Variants in RPS6KA5 observed in about 807,000 individuals in gnomAD.
RPS6KA5 encodes the protein ribosomal protein S6 kinase alpha-5.
In RPS6KA5, 27 loss-of-function variants were observed where a neutral mutation model predicts 85.5. That is an observed-to-expected ratio of 0.32 (90% CI 0.23 to 0.44). The LOEUF (loss-of-function observed/expected upper bound fraction) is 0.44, where lower values mean the gene tolerates loss of function less well. RPS6KA5 is among the 20% of genes least tolerant of loss of function. The pLI is 1.00. For synonymous variants in RPS6KA5, 334 were observed against 348.2 expected (o/e 0.96, Z 0.46); for missense variants, 811 against 980.9 (o/e 0.83, Z 2.31).
At chr14:90,887,222 C>T (rs1286255) in intron 14 of RPS6KA5, among the ~76,000 whole-genome samples, 5,827 of 152,256 alleles carry the variant, frequency 0.038, 378 homozygotes, top group African/African-American at 0.13. Context: ...TGCTCTGTCA[C>T]CCACTGTGGA....
chr14:90,886,343 T>TAA (rs2034225941), intron 14 of RPS6KA5, among the ~76,000 whole-genome samples: 1 of 152,144 alleles, frequency 6.6e-6, no homozygotes, highest in Non-Finnish European at 1.5e-5. Flanking sequence ...TTCACAGGTA[T>TAA]GTTATATATC....
At chr14:91,029,734 C>G (rs73328524) in intron 1 of RPS6KA5, among the ~76,000 whole-genome samples, 23,575 of 152,036 alleles carry the variant, frequency 0.16, 1,957 homozygotes, top group East Asian at 0.31. Flanking sequence ...CTGACACAAA[C>G]CAGACATTGT....
chr14:90,894,397 T>C lies in RPS6KA5; in HGVS notation c.1644+16A>G. 6.2e-7 allele frequency: 1 copy of C among 1,611,124 alleles called. No homozygotes were observed. The highest frequency in any genetic ancestry group is 1.1e-5 in the South Asian group (1 of 90,736). On this transcript the variant is annotated intron_variant, in intron 13 of 16. Coordinates refer to ENST00000614987, the MANE Select transcript of RPS6KA5 (RefSeq NM_004755.4). The stretch of plus-strand genomic sequence containing the variant: ...GTGCTAGACTGAATTACGTAAGAGA[T>C]CCAGTGATTTTATACCTCAGGTTTC...
intron 1 of RPS6KA5, among the ~76,000 whole-genome samples, chr14:91,044,981 G>C (rs909988944): frequency 6.6e-6 from 1 of 152,026 alleles, no homozygotes; most frequent in African/African-American, 2.4e-5. Flanking sequence ...TACAGGAACT[G>C]AATTCTACCA....
chr14:90,994,198 T>C (rs1325365908), intron 2 of RPS6KA5, among the ~76,000 whole-genome samples: 1 of 152,132 alleles, frequency 6.6e-6, no homozygotes, highest in Admixed American at 6.6e-5. Context: ...TTAATAGTCC[T>C]CTCATATGCT....
chr14:90,916,481 G>T (rs1199706003), intron 7 of RPS6KA5, among the ~76,000 whole-genome samples: 2 of 152,118 alleles, frequency 1.3e-5, no homozygotes, highest in African/African-American at 4.8e-5. Flanking sequence ...GTTCAGGGAA[G>T]ATCATAATAA....
Position 90,868,389 on chromosome 14 carries a change from A to G in RPS6KA5, c.*3685T>C, listed in dbSNP as rs938723584. 6.6e-6 allele frequency: 1 copy of G among 152,214 alleles called. No homozygotes were observed. Among genetic ancestry groups the G allele is most frequent in the South Asian group, 2.1e-4 (1 of 4,824 alleles). The allele number at this position is 152,214 out of a possible 1,614,324, so 9.4% of individuals were successfully genotyped here. A position where few individuals can be genotyped will look rare whatever the true frequency, so the allele number is the denominator to read the frequency against. ...TCAATTAAAGACTGGAAATTGGGGT[A>G]TTATCATGTAAGACATTTGAGAGGC... On this transcript the variant is annotated 3_prime_UTR_variant, in exon 17 of 17. Coordinates refer to ENST00000614987, the MANE Select transcript of RPS6KA5 (RefSeq NM_004755.4).
chr14:91,019,145 G>A (rs1405775236), intron 1 of RPS6KA5, among the ~76,000 whole-genome samples: 1 of 152,070 alleles, frequency 6.6e-6, no homozygotes, highest in East Asian at 1.9e-4. Flanking sequence ...AGATGTGTAA[G>A]GGTACCGAGC....
chr14:90,857,251 C>T lies in RPS6KA5; in HGVS notation c.*14823G>A, dbSNP rs894424338. 2.6e-5 allele frequency: 4 copies of T among 152,176 alleles called. No individual in the cohort carries two copies. In the East Asian group the frequency reaches 5.8e-4, roughly 22 times the overall value. 9.4% of individuals were successfully genotyped at this position (152,176 alleles called of 1,614,324 possible). On this transcript the variant is annotated 3_prime_UTR_variant, in exon 17 of 17. Coordinates refer to ENST00000614987, the MANE Select transcript of RPS6KA5 (RefSeq NM_004755.4). ...CCTTGATCTGACTATAATATTTTAACAGTGACATGTGCCCAGATTATATTT... is the reference window on the plus strand; with the variant it reads ...CCTTGATCTGACTATAATATTTTAATAGTGACATGTGCCCAGATTATATTT...
chr14:90,887,334 C>T (rs899095701), intron 14 of RPS6KA5, among the ~76,000 whole-genome samples: 22 of 151,938 alleles, frequency 1.4e-4, no homozygotes, highest in African/African-American at 4.8e-4. Context: ...GCATGAGCCA[C>T]CATGCCCAGC....
chr14:91,013,725 G>A lies in RPS6KA5; in HGVS notation c.104-12566C>T, dbSNP rs2041360507. Among the ~76,000 whole-genome samples the A allele has an allele frequency of 2.0e-5, 3 of 152,190 alleles. No homozygotes were observed. In the South Asian group the frequency reaches 6.2e-4, roughly 32 times the overall value. ...AAAGATTTTAAGGAGAAGATTATCA[G>A]TTCTGCATCTTAGAAAGACCAGCAG... On this transcript the variant is annotated intron_variant, in intron 1 of 16. Transcript: ENST00000614987.
At chr14:90,951,703 G>A (rs965693317) in intron 3 of RPS6KA5, among the ~76,000 whole-genome samples, 10 of 151,914 alleles carry the variant, frequency 6.6e-5, no homozygotes, top group African/African-American at 2.4e-4. Flanking sequence ...TTTCTTACTG[G>A]GAGGACAAGG....
intron 1 of RPS6KA5, among the ~76,000 whole-genome samples, chr14:91,004,546 AG>A (rs1248501600): frequency 6.6e-6 from 1 of 152,204 alleles, no homozygotes; most frequent in Non-Finnish European, 1.5e-5. Flanking sequence ...AAAAATCTAT[AG>A]TTAACGTATT....
At chr14:91,010,729 A>G (rs1331093326) in intron 1 of RPS6KA5, among the ~76,000 whole-genome samples, 2 of 152,188 alleles carry the variant, frequency 1.3e-5, no homozygotes, top group Non-Finnish European at 2.9e-5. Context: ...ATCATATGAA[A>G]CTTTTTTCCA....
At chr14:90,962,878 C>T (rs2038879540) in intron 3 of RPS6KA5, among the ~76,000 whole-genome samples, 1 of 152,166 alleles carries the variant, frequency 6.6e-6, no homozygotes, top group African/African-American at 2.4e-5. Context: ...TGCTCCTCTA[C>T]TCCTAAACAT....
intron 14 of RPS6KA5, among the ~76,000 whole-genome samples, chr14:90,888,859 T>C (rs1330577258): frequency 6.6e-6 from 1 of 152,198 alleles, no homozygotes; most frequent in Non-Finnish European, 1.5e-5. Context: ...CGTATTACCA[T>C]AAACAAAGTT....
At chr14:91,051,331 C>T (rs1248434420) in intron 1 of RPS6KA5, among the ~76,000 whole-genome samples, 2 of 151,966 alleles carry the variant, frequency 1.3e-5, no homozygotes, top group Non-Finnish European at 2.9e-5. Context: ...GTAATCTCCA[C>T]ACTTTGGGAG....
At chr14:90,892,486 A>T (rs1007908163) in intron 13 of RPS6KA5, among the ~76,000 whole-genome samples, 1 of 152,238 alleles carries the variant, frequency 6.6e-6, no homozygotes, top group South Asian at 2.1e-4. Flanking sequence ...CTAGTCAGGA[A>T]TGGTGGGAAG....
At chr14:91,026,283 T>G (rs562692596) in intron 1 of RPS6KA5, among the ~76,000 whole-genome samples, 1 of 152,152 alleles carries the variant, frequency 6.6e-6, no homozygotes, top group Non-Finnish European at 1.5e-5. Context: ...CAGGTTGGAG[T>G]GCAGTGGCAT....
Sources: allele counts gnomAD v4.1 joint callset (sites outside exome capture counted in the v4.1 genomes callset), GRCh38; gene constraint gnomAD v4.1.1; transcripts MANE v1.5; gene names NCBI Gene and HGNC (gene_info 2026-07-23, HGNC 2026-07-21).